The following BRPF1 variants were observed in gnomAD, a reference collection of about 807,000 sequenced individuals.
BRPF1 encodes the protein peregrin.
A neutral mutation model predicts 115.0 loss-of-function variants in BRPF1; 15 were observed. The observed-to-expected ratio is 0.13, with a 90% CI of 0.09 to 0.20. The LOEUF (loss-of-function observed/expected upper bound fraction) is 0.20, where lower values mean the gene tolerates loss of function less well. Among genes scored for constraint, BRPF1 ranks in the 10% least tolerant of loss-of-function variants. BRPF1 has a pLI of 1.00. For synonymous variants in BRPF1, 647 were observed against 619.8 expected (o/e 1.04, Z -0.65); for missense variants, 1,118 against 1,638.3 (o/e 0.68, Z 5.48).
chr3:9,740,028 C>G (rs967376427), intron 3 of BRPF1, 70 bp downstream of exon 3: 9 of 1,465,558 alleles, frequency 6.1e-6, no homozygotes, highest in Non-Finnish European at 8.1e-6. Context: ...TGGCAGCCTC[C>G]TGAGTGGAAT....
Position 9,745,963 on chromosome 3 carries a change from C to A in BRPF1, c.3324+33C>A. On this transcript the variant is annotated intron_variant, in intron 12 of 13. Coordinates refer to ENST00000383829, the MANE Select transcript of BRPF1 (RefSeq NM_001003694.2). This position sits in a 1 kb window ranked among gnomAD's most constrained non-coding sequence, Gnocchi z 5.1. ...TGCTTCTGTTACACTTCTTGCTTTC[C>A]AATCCCAGAATACAGATTCACAGTT... is the stretch of plus-strand genomic sequence containing the variant. 6.3e-7 allele frequency: 1 copy of A among 1,587,316 alleles called. No individual in the cohort carries two copies. The highest frequency in any genetic ancestry group is 8.6e-7 in the Non-Finnish European group (1 of 1,163,012).
rs764362010 is a variant in BRPF1 at position 9,745,548 on chromosome 3, TG to T, written c.3069-24del. ...TCCCCATTCTTCCCCTCCTTTGAGC[TG>T]AGCTCCCATTGTCTTGTCCACAGCA... On this transcript the variant is annotated intron_variant, in intron 10 of 13. Transcript: ENST00000383829. This position sits in a 1 kb window ranked among gnomAD's most constrained non-coding sequence, Gnocchi z 5.1. The T allele has an allele frequency of 1.9e-6, 3 of 1,611,762 alleles. No homozygotes were observed. The East Asian group carries it at 6.7e-5, about 36-fold the overall frequency.
chr3:9,735,208 T>A (rs546033509), intron 2 of BRPF1, among the ~76,000 whole-genome samples: 20 of 152,172 alleles, frequency 1.3e-4, no homozygotes, highest in African/African-American at 4.8e-4. Flanking sequence ...AGATGGGGTT[T>A]CACCATGTTG....
chr3:9,745,136 G>A lies in BRPF1; in HGVS notation c.3049G>A (p.Ala1017Thr), dbSNP rs1253140911. ...SESSSSSSSS[A>T]ASDRTSTTPS... is the part of the protein sequence containing the mutation. The stretch of plus-strand genomic sequence containing the variant: ...GTCCAGCAGCAGTAGCAGTAGCAGC[G>A]CTGCTTCAGACCGGACCAGGTACCA... The change falls in exon 10 of 14, where the codon GCT becomes ACT. Residue 1017 changes from alanine (A) to threonine (T), a missense_variant. Ala to Thr is a moderately conservative substitution (Grantham distance 58). This residue lies in a region of BRPF1 where 100 missense variants were observed against 109.9 expected (regional missense o/e 0.91). Transcript: ENST00000383829. The surrounding 1 kb of genome is among the most constrained non-coding windows in gnomAD (Gnocchi z 5.1). 3 of 1,614,016 alleles carry A rather than the reference G, an allele frequency of 1.9e-6. No individual in the cohort carries two copies. Among genetic ancestry groups the A allele is most frequent in the East Asian group, 2.2e-5 (1 of 44,892 alleles).
Position 9,745,483 on chromosome 3 carries a change from C to A in BRPF1, c.3069-90C>A. ...GCCTCTGCTTTCCAAAAGTCTCAGA[C>A]CCTGCGGGCTTTAAGAGCTGAGGGC... On this transcript the variant is annotated intron_variant, in intron 10 of 13. Coordinates refer to ENST00000383829, the MANE Select transcript of BRPF1 (RefSeq NM_001003694.2). The surrounding 1 kb of genome is among the most constrained non-coding windows in gnomAD (Gnocchi z 5.1). 1.4e-6 allele frequency: 2 copies of A among 1,442,476 alleles called. No homozygotes were observed. The highest frequency in any genetic ancestry group is 2.4e-5 in the South Asian group (2 of 83,304). 89.4% of individuals were successfully genotyped at this position (1,442,476 alleles called of 1,614,324 possible). A position where few individuals can be genotyped will look rare whatever the true frequency, so the allele number is the denominator to read the frequency against.
chr3:9,741,252 G>C (rs987085646), intron 4 of BRPF1, 56 bp from the exon 5 acceptor site: 8 of 1,521,310 alleles, frequency 5.3e-6, no homozygotes, highest in Non-Finnish European at 6.2e-6. Context: ...TCTTCTCCCT[G>C]TTGACCTTTC....
At chr3:9,737,994 T>C (rs1424238381) in intron 2 of BRPF1, among the ~76,000 whole-genome samples, 1 of 152,202 alleles carries the variant, frequency 6.6e-6, no homozygotes, top group Non-Finnish European at 1.5e-5. Flanking sequence ...AGTCATAAAA[T>C]GGCAGAGGCA....
intron 13 of BRPF1, 47 bp downstream of exon 13, chr3:9,746,501 CTG>C: frequency 1.3e-6 from 2 of 1,492,426 alleles, no homozygotes; most frequent in Non-Finnish European, 1.8e-6. Context: ...AGATGCAGCC[CTG>C]TGTGGTATGG....
chr3:9,734,927 C>A lies in BRPF1; in HGVS notation c.599+188C>A, dbSNP rs1181759590. Among the ~76,000 whole-genome samples, 1 of 152,040 alleles carries A rather than the reference C, an allele frequency of 6.6e-6. No homozygotes were observed. The highest frequency in any genetic ancestry group is 1.5e-5 in the Non-Finnish European group (1 of 68,030). Reference sequence around the variant, plus strand: ...TTACTCTACAGTGCCACACGCTACTCCTTTATTTTATTCTCAAAACTCTCA... The same window carrying A: ...TTACTCTACAGTGCCACACGCTACTACTTTATTTTATTCTCAAAACTCTCA... On this transcript the variant is annotated intron_variant, in intron 2 of 13. Transcript: ENST00000383829. This position sits in a 1 kb window ranked among gnomAD's most constrained non-coding sequence, Gnocchi z 5.7.
Position 9,739,839 on chromosome 3 carries a change from A to C in BRPF1, c.1440A>C (p.Ser480=). 1 of 1,597,610 alleles carries C rather than the reference A, an allele frequency of 6.3e-7. No individual in the cohort carries two copies. Among genetic ancestry groups the C allele is most frequent in the Non-Finnish European group, 8.5e-7 (1 of 1,171,966 alleles). The change falls in exon 3 of 14, where the codon TCA becomes TCC. Residue 480 remains serine, a synonymous_variant. Transcript: ENST00000383829. ...EEEDEGKGWS[S]EKVKKAKAKS... ...AGGATGAGGGTAAGGGCTGGAGCTC[A>C]GAGAAAGTCAAGAAGGCCAAGGCCA...
chr3:9,739,785 C>A lies in BRPF1; in HGVS notation c.1386C>A (p.Ser462Arg). ...GCCGACTGCCTGCCCTGTCCCACAG[C>A]GAGGGTGAGGAGGATGAAGATGAGG... The part of the protein sequence containing the change: ...SARRLPALSH[S>R]EGEEDEDEEE... The change falls in exon 3 of 14, where the codon AGC becomes AGA. Residue 462 changes from serine (S) to arginine (R), a missense_variant. By Grantham distance (110) the Ser-to-Arg change is moderately radical. Around this residue, in one of 10 missense-constraint regions of BRPF1, gnomAD observed 87 missense variants for 93.4 expected, o/e 0.93. Coordinates refer to ENST00000383829, the MANE Select transcript of BRPF1 (RefSeq NM_001003694.2). 6.2e-7 allele frequency: 1 copy of A among 1,613,642 alleles called. No homozygotes were observed. The highest frequency in any genetic ancestry group is 8.5e-7 in the Non-Finnish European group (1 of 1,179,776).
chr3:9,743,730 A>T lies in BRPF1; in HGVS notation c.2464A>T (p.Met822Leu). The T allele has an allele frequency of 2.5e-6, 4 of 1,614,186 alleles. No homozygotes were observed. The highest frequency in any genetic ancestry group is 3.4e-6 in the Non-Finnish European group (4 of 1,180,040). The change falls in exon 8 of 14, where the codon ATG (methionine) becomes TTG (leucine). Residue 822 changes from methionine to leucine, a missense_variant. By Grantham distance (15) the Met-to-Leu change is conservative (BLOSUM62 2). Transcript: ENST00000383829. This position sits in a 1 kb window ranked among gnomAD's most constrained non-coding sequence, Gnocchi z 6.1. ...GCGTGCAAAGATGATCAAGAAAGAG[A>T]TGACGGCACTGCGGCGGAAGCTTGC... ...SRRAKMIKKE[M>L]TALRRKLAHQ... is the part of the protein sequence containing the mutation.
intron 12 of BRPF1, 146 bp downstream of exon 12, chr3:9,746,076 C>A: frequency 1.9e-6 from 2 of 1,061,856 alleles, no homozygotes; most frequent in Non-Finnish European, 2.7e-6. Context: ...TTGAGTACCA[C>A]TTAGAGGCTC....
chr3:9,735,074 G>A (rs1362531548), intron 2 of BRPF1, among the ~76,000 whole-genome samples: 1 of 146,108 alleles, frequency 6.8e-6, no homozygotes, highest in Non-Finnish European at 1.5e-5. Context: ...CCTGCCTGGA[G>A]TGCAGTTGGC....
At chr3:9,744,911 G>T (rs574926805) in intron 9 of BRPF1, 97 bp from the exon 10 acceptor site, 1 of 1,545,846 alleles carries the variant, frequency 6.5e-7, no homozygotes, top group South Asian at 1.1e-5. Flanking sequence ...CAGCACAGAA[G>T]GGGAACCCAA....
rs764961196 is a variant in BRPF1 at position 9,745,978 on chromosome 3, G to A, written c.3324+48G>A. On this transcript the variant is annotated intron_variant, in intron 12 of 13. Transcript: ENST00000383829. This position sits in a 1 kb window ranked among gnomAD's most constrained non-coding sequence, Gnocchi z 5.1. ...TCTTGCTTTCCAATCCCAGAATACA[G>A]ATTCACAGTTAGCAGACTTTTCCTA... The A allele has an allele frequency of 6.4e-7, 1 of 1,568,220 alleles. No homozygotes were observed. The highest frequency in any genetic ancestry group is 8.7e-7 in the Non-Finnish European group (1 of 1,150,114).
chr3:9,736,787 A>G (rs2076949259), intron 2 of BRPF1, among the ~76,000 whole-genome samples: 2 of 152,226 alleles, frequency 1.3e-5, no homozygotes, highest in Non-Finnish European at 2.9e-5. Context: ...ATATAAATTG[A>G]GAAGATTTGA....
Position 9,739,416 on chromosome 3 carries a change from C to T in BRPF1, c.1017C>T (p.Ala339=). 1 of 1,614,220 alleles carries T rather than the reference C, an allele frequency of 6.2e-7. No individual in the cohort carries two copies. Among genetic ancestry groups the T allele is most frequent in the Non-Finnish European group, 8.5e-7 (1 of 1,180,036 alleles). ...DCALCPNKGG[A]FKQTDDGRWA... ...CCCTGTGCCCCAACAAGGGCGGTGCCTTCAAGCAGACAGATGACGGGCGCT... is the reference window on the plus strand; with the variant it reads ...CCCTGTGCCCCAACAAGGGCGGTGCTTTCAAGCAGACAGATGACGGGCGCT... The change falls in exon 3 of 14, where the codon GCC becomes GCT. Residue 339 remains alanine (A), a synonymous_variant. Transcript: ENST00000383829.
rs758535290 is a variant in BRPF1, at chr3:9,739,763, G to A, written c.1364G>A (p.Arg455Gln). The change falls in exon 3 of 14, where the codon CGA becomes CAA. Residue 455 changes from arginine (R) to glutamine (Q), a missense_variant. Transcript: ENST00000383829. ...DIHTPPGSAR[R>Q]LPALSHSEGE... Reference sequence around the variant, plus strand: ...CACACGCCTCCAGGTTCAGCACGCCGACTGCCTGCCCTGTCCCACAGCGAG... The same window carrying A: ...CACACGCCTCCAGGTTCAGCACGCCAACTGCCTGCCCTGTCCCACAGCGAG... The A allele has an allele frequency of 6.8e-6, 11 of 1,614,066 alleles. No individual in the cohort carries two copies. Among genetic ancestry groups the A allele is most frequent in the South Asian group, 5.5e-5 (5 of 91,074 alleles).
Sources: allele counts gnomAD v4.1 joint callset (sites outside exome capture counted in the v4.1 genomes callset), GRCh38; gene constraint gnomAD v4.1.1; regional missense constraint gnomAD v4.1.1; non-coding constraint Gnocchi (gnomAD v3.1); transcripts MANE v1.5; gene names NCBI Gene and HGNC (gene_info 2026-07-23, HGNC 2026-07-21).